Variants in PRKCE observed in about 807,000 individuals in gnomAD.
PRKCE encodes protein kinase C epsilon, also known as protein kinase C epsilon type.
A neutral mutation model predicts 85.4 loss-of-function variants in PRKCE; 16 were observed. The observed-to-expected ratio is 0.19, with a 90% CI of 0.13 to 0.28. The LOEUF is 0.28. Among genes scored for constraint, PRKCE ranks in the 10% least tolerant of loss-of-function variants. The probability of loss-of-function intolerance (pLI) is 1.00; values close to 1 mark genes in which losing one functional copy is unlikely to be tolerated. For missense variants in PRKCE, 573 were observed against 975.2 expected (o/e 0.59, Z 5.49); for synonymous variants, 388 against 371.5 (o/e 1.04, Z -0.51).
At chr2:45,765,568 C>G (rs557698648) in intron 1 of PRKCE, among the ~76,000 whole-genome samples, 1 of 152,370 alleles carries the variant, frequency 6.6e-6, no homozygotes, top group East Asian at 1.9e-4. Flanking sequence ...TCATCTTTGC[C>G]TCTGCAGTGG....
At chr2:46,065,032 T>C (rs1667502545) in intron 10 of PRKCE, among the ~76,000 whole-genome samples, 1 of 152,240 alleles carries the variant, frequency 6.6e-6, no homozygotes, top group Non-Finnish European at 1.5e-5. Flanking sequence ...TTTGACCCTG[T>C]ACATCCTCGA....
intron 10 of PRKCE, among the ~76,000 whole-genome samples, chr2:46,018,787 A>G (rs1460210123): frequency 2.0e-5 from 3 of 152,254 alleles, no homozygotes; most frequent in Non-Finnish European, 4.4e-5. Flanking sequence ...TTAGTAATAT[A>G]GTAGAGCTAT....
At chr2:46,015,274 G>A (rs551044702) in intron 10 of PRKCE, among the ~76,000 whole-genome samples, 2 of 152,012 alleles carry the variant, frequency 1.3e-5, no homozygotes, top group African/African-American at 4.8e-5. Context: ...GATTTTTAGA[G>A]TCTGTGCATT....
At chr2:46,142,201 C>A (rs1675607687) in intron 11 of PRKCE, among the ~76,000 whole-genome samples, 1 of 152,136 alleles carries the variant, frequency 6.6e-6, no homozygotes, top group Non-Finnish European at 1.5e-5. Flanking sequence ...CCATCATGGC[C>A]CTGGGCTTCC....
chr2:46,067,084 A>T (rs755714738), intron 10 of PRKCE, among the ~76,000 whole-genome samples: 32 of 152,222 alleles, frequency 2.1e-4, no homozygotes, highest in Non-Finnish European at 4.6e-4. Flanking sequence ...TTTGCTAAAT[A>T]GGTAGTTGTT....
At chr2:45,653,874 C>T (rs1222979608) in intron 1 of PRKCE, among the ~76,000 whole-genome samples, 4 of 152,230 alleles carry the variant, frequency 2.6e-5, no homozygotes. Flanking sequence ...TATTCTACTT[C>T]ACAGATGTCC....
At chr2:45,919,299 G>T (rs1242101232) in intron 2 of PRKCE, among the ~76,000 whole-genome samples, 1 of 152,222 alleles carries the variant, frequency 6.6e-6, no homozygotes, top group African/African-American at 2.4e-5. Flanking sequence ...GTGTGGGAAG[G>T]CTGGGCTGGG....
intron 1 of PRKCE, among the ~76,000 whole-genome samples, chr2:45,824,902 G>A (rs1216755346): frequency 6.6e-6 from 1 of 152,174 alleles, no homozygotes; most frequent in Non-Finnish European, 1.5e-5. Context: ...AATTTTGGTT[G>A]ATGTGGAGGT....
intron 10 of PRKCE, among the ~76,000 whole-genome samples, chr2:46,074,952 G>A (rs1668424321): frequency 6.6e-6 from 1 of 152,238 alleles, no homozygotes; most frequent in Non-Finnish European, 1.5e-5. Flanking sequence ...GAAGAGCATT[G>A]GTAGAGGGCA....
chr2:45,782,234 C>T (rs992063470), intron 1 of PRKCE, among the ~76,000 whole-genome samples: 1 of 152,114 alleles, frequency 6.6e-6, no homozygotes, highest in East Asian at 1.9e-4. Context: ...GCCCATCTTC[C>T]GACTTGACCC....
intron 14 of PRKCE, among the ~76,000 whole-genome samples, chr2:46,166,184 A>T (rs1323095370): frequency 6.6e-6 from 1 of 152,234 alleles, no homozygotes; most frequent in Non-Finnish European, 1.5e-5. Flanking sequence ...CACTTCACCA[A>T]CTTAGCGACC....
chr2:45,888,913 CAA>C (rs145784240), intron 2 of PRKCE, among the ~76,000 whole-genome samples: 6,885 of 152,186 alleles, frequency 0.045, 438 homozygotes, highest in African/African-American at 0.13. Flanking sequence ...CAAGGAGAAT[CAA>C]AAGTGGGGAG....
At chr2:45,917,418 C>A (rs973978002) in intron 2 of PRKCE, among the ~76,000 whole-genome samples, 1 of 152,014 alleles carries the variant, frequency 6.6e-6, no homozygotes, top group Non-Finnish European at 1.5e-5. Flanking sequence ...CTGCAAGGCC[C>A]CACCAGAGTA....
chr2:45,954,494 C>T (rs1301263059), intron 2 of PRKCE, among the ~76,000 whole-genome samples: 1 of 152,194 alleles, frequency 6.6e-6, no homozygotes, highest in African/African-American at 2.4e-5. Context: ...CATCACTGTT[C>T]TGCAGGATTA....
intron 2 of PRKCE, among the ~76,000 whole-genome samples, chr2:45,873,352 G>C (rs1001657125): frequency 1.3e-5 from 2 of 151,996 alleles, no homozygotes; most frequent in African/African-American, 4.8e-5. Context: ...TTGTTGAGCA[G>C]AGAATGGAAA....
chr2:45,973,365 C>T (rs181216092), intron 2 of PRKCE, among the ~76,000 whole-genome samples: 5 of 152,336 alleles, frequency 3.3e-5, no homozygotes, highest in Admixed American at 2.6e-4. Flanking sequence ...AGGCTCCAAC[C>T]CCTTTCTCCT....
At position 46,184,508 on chromosome 2, in the gene PRKCE, C is replaced by A. The variant is rs1680306344; in HGVS notation, c.2068-227C>A. Among the ~76,000 whole-genome samples the A allele has an allele frequency of 6.6e-6, 1 of 152,202 alleles. No individual in the cohort carries two copies. The highest frequency in any genetic ancestry group is 6.5e-5 in the Admixed American group (1 of 15,276). ...CCTGCTTTTCCATCATACCCTCTCA[C>A]CCCTTCTTCCTTCTCACCTTGACTC... On this transcript the variant is annotated intron_variant, in intron 14 of 14. Coordinates refer to ENST00000306156, the MANE Select transcript of PRKCE (RefSeq NM_005400.3). This position sits in a 1 kb window ranked among gnomAD's most constrained non-coding sequence, Gnocchi z 5.0.
rs371658803 is a variant in PRKCE at position 45,969,971 on chromosome 2, TTC to T, written c.413-6456_413-6455del. Among the ~76,000 whole-genome samples the T allele has an allele frequency of 2.5e-4, 38 of 152,364 alleles. No individual in the cohort carries two copies. In the South Asian group the frequency reaches 4.8e-3, roughly 19 times the overall value. ...GCCTAATAGTAGACAGTCAAGTCAT[TTC>T]TGTTTGTTGGCTAATATAGATATGC... On this transcript the variant is annotated intron_variant, in intron 2 of 14. Coordinates refer to ENST00000306156, the MANE Select transcript of PRKCE (RefSeq NM_005400.3).
chr2:46,120,950 C>T (rs1050896654), intron 11 of PRKCE, among the ~76,000 whole-genome samples: 2 of 152,304 alleles, frequency 1.3e-5, no homozygotes, highest in East Asian at 1.9e-4. Context: ...CGTTTGTTCA[C>T]CATGAATCTG....
Sources: gnomAD v4.1 joint callset for allele counts (sites outside exome capture counted in the v4.1 genomes callset) on GRCh38, gnomAD v4.1.1 for gene constraint, Gnocchi (gnomAD v3.1) non-coding constraint, MANE v1.5 for transcripts, NCBI Gene and HGNC (gene_info 2026-07-23, HGNC 2026-07-21) for gene names.